The following RNF43 variants were observed in gnomAD, a reference collection of about 807,000 sequenced individuals.
The protein encoded by RNF43 is E3 ubiquitin-protein ligase RNF43.
A neutral mutation model predicts 78.4 loss-of-function variants in RNF43; 37 were observed. The observed-to-expected ratio is 0.47, with a 90% CI of 0.36 to 0.62. The LOEUF is 0.62. Among genes scored for constraint, RNF43 ranks in the 20% least tolerant of loss-of-function variants. RNF43 has a pLI of 0.00. For synonymous variants in RNF43, 347 were observed against 395.0 expected, an observed-to-expected ratio of 0.88 and a Z score of 1.44; for missense variants, 774 against 1,007.9, an observed-to-expected ratio of 0.77 and a Z score of 3.14.
At chr17:58,363,819 T>C (rs1972894477) in intron 3 of RNF43, among the ~76,000 whole-genome samples, 1 of 152,208 alleles carries the variant, frequency 6.6e-6, no homozygotes, top group African/African-American at 2.4e-5. Context: ...AGGGATAATA[T>C]CTAGCTTTTC....
chr17:58,363,238 A>G (rs1972877893), intron 5 of RNF43, 37 bp downstream of exon 5: 1 of 1,608,456 alleles, frequency 6.2e-7, no homozygotes, highest in South Asian at 1.1e-5. Context: ...AAGTAGGGCT[A>G]AGTGCAGGGC....
chr17:58,378,824 A>C (rs989806327), intron 2 of RNF43, among the ~76,000 whole-genome samples: 1 of 152,174 alleles, frequency 6.6e-6, no homozygotes, highest in Admixed American at 6.5e-5. Context: ...GGTGGCAAAA[A>C]CTGAGGGAAA....
At chr17:58,407,069 ATTTTTTTTT>A (rs35270032) in intron 2 of RNF43, among the ~76,000 whole-genome samples, 2 of 74,182 alleles carry the variant, frequency 2.7e-5, no homozygotes, top group African/African-American at 1.1e-4. Flanking sequence ...AGAGACCAGA[ATTTTTTTTT>A]TTTTTTTTTT....
chr17:58,364,927 AGGC>A (rs1251885534), intron 3 of RNF43, among the ~76,000 whole-genome samples: 1 of 152,216 alleles, frequency 6.6e-6, no homozygotes, highest in African/African-American at 2.4e-5. Context: ...GACAGCAGCA[AGGC>A]CCAGGGGGCC....
At chr17:58,364,475 G>A (rs1012123046) in intron 3 of RNF43, among the ~76,000 whole-genome samples, 1 of 152,208 alleles carries the variant, frequency 6.6e-6, no homozygotes, top group Admixed American at 6.5e-5. Context: ...GGGGGTGTGT[G>A]TAGGGAGGGG....
At chr17:58,359,678 G>A (rs1972787240) in intron 8 of RNF43, among the ~76,000 whole-genome samples, 1 of 151,800 alleles carries the variant, frequency 6.6e-6, no homozygotes, top group Non-Finnish European at 1.5e-5. Flanking sequence ...TGTAATCCCA[G>A]CACTTTGGGA....
rs778693172 is a variant in RNF43, at chr17:58,357,845, T to C, written c.1931A>G (p.Lys644Arg). 6.2e-7 allele frequency: 1 copy of C among 1,613,962 alleles called. No homozygotes were observed. The highest frequency in any genetic ancestry group is 8.5e-7 in the Non-Finnish European group (1 of 1,179,964). Residue 644 changes from lysine to arginine, a missense_variant, in exon 9 of 10, where the codon AAA becomes AGA. By Grantham distance (26) the Lys-to-Arg change is conservative. Transcript: ENST00000407977. This position sits in a 1 kb window ranked among gnomAD's most constrained non-coding sequence, Gnocchi z 4.5. ...PSTSSLFNLQ[K>R]SSLSARHPQR... ...TGGGTGTCGGGCAGAGAGGCTGGAT[T>C]TTTGCAAGTTGAACAGACTGCTGGT... is the stretch of plus-strand genomic sequence containing the variant.
rs1027285267 is a variant in RNF43, at chr17:58,376,173, G to A, written c.253-5140C>T. Among the ~76,000 whole-genome samples the A allele has an allele frequency of 4.6e-5, 7 of 152,180 alleles. No homozygotes were observed. The East Asian group carries it at 7.7e-4, about 17-fold the overall frequency. The stretch of plus-strand genomic sequence containing the variant: ...CCCCTGGGAGAGATGATGTGCCTGC[G>A]TGGATTTCAAGGGAATGCCTGTGTT... On this transcript the variant is annotated intron_variant, in intron 2 of 9. Coordinates refer to ENST00000407977, the MANE Select transcript of RNF43 (RefSeq NM_017763.6).
chr17:58,397,009 G>C (rs986504276), intron 2 of RNF43, among the ~76,000 whole-genome samples: 9 of 150,392 alleles, frequency 6.0e-5, no homozygotes, highest in Non-Finnish European at 1.2e-4. Context: ...TGATTTTCTA[G>C]CTTACCTTTA....
intron 2 of RNF43, among the ~76,000 whole-genome samples, chr17:58,376,378 A>AT (rs1567883186): frequency 6.6e-6 from 1 of 151,870 alleles, no homozygotes; most frequent in African/African-American, 2.4e-5. Context: ...GATAAAAAAA[A>AT]TAAATAAATA....
intron 3 of RNF43, 50 bp from the exon 4 acceptor site, chr17:58,363,650 C>G (rs1972890240): frequency 6.6e-7 from 1 of 1,525,170 alleles, no homozygotes; most frequent in South Asian, 1.2e-5. Flanking sequence ...AAGGACAGAG[C>G]CCACCCACAG....
chr17:58,354,827 G>T lies in RNF43; in HGVS notation c.*116C>A. ...CTCTTCCAGTGCTTCTAGGAAGTAC[G>T]GCAAAAAGAATGGTGTTTGCTGTGG... On this transcript the variant is annotated 3_prime_UTR_variant, in exon 10 of 10. Coordinates refer to ENST00000407977, the MANE Select transcript of RNF43 (RefSeq NM_017763.6). 1.1e-6 allele frequency: 1 copy of T among 951,742 alleles called. No individual in the cohort carries two copies. The highest frequency in any genetic ancestry group is 2.4e-5 in the East Asian group (1 of 40,946). The allele number at this position is 951,742 out of a possible 1,614,324, so 59.0% of individuals were successfully genotyped here.
In RNF43 at chr17:58,386,127, A is replaced by G. The variant is rs1039520171; in HGVS notation, c.253-15094T>C. 1.3e-5 allele frequency among the ~76,000 whole-genome samples: 2 copies of G among 151,100 alleles called. 1 individual carries two copies. The highest frequency in any genetic ancestry group is 4.2e-4 in the South Asian group (2 of 4,768). On this transcript the variant is annotated intron_variant, in intron 2 of 9. Transcript: ENST00000407977. ...TAAAAAAACAAAAAACGAAAAAACA[A>G]CAACAAAAAACACCATGCAGCCGGG...
intron 2 of RNF43, among the ~76,000 whole-genome samples, chr17:58,393,090 C>T (rs1397084322): frequency 1.3e-5 from 2 of 152,178 alleles, no homozygotes; most frequent in East Asian, 1.9e-4. Flanking sequence ...TATGATGATC[C>T]ACTTTCACTT....
chr17:58,357,443 C>T lies in RNF43; in HGVS notation c.2308+25G>A, dbSNP rs766430982. ...CAGCTGTAGTCTCCTCTCCCTACCA[C>T]ACCCACTTCCCTCTGAAAACTCACC... On this transcript the variant is annotated intron_variant, in intron 9 of 9. Coordinates refer to ENST00000407977, the MANE Select transcript of RNF43 (RefSeq NM_017763.6). This position sits in a 1 kb window ranked among gnomAD's most constrained non-coding sequence, Gnocchi z 4.5. 2 of 1,614,206 alleles carry T rather than the reference C, an allele frequency of 1.2e-6. No individual in the cohort carries two copies. The highest frequency in any genetic ancestry group is 2.2e-5 in the East Asian group (1 of 44,882).
chr17:58,381,975 C>T (rs1973330069), intron 2 of RNF43, among the ~76,000 whole-genome samples: 1 of 152,016 alleles, frequency 6.6e-6, no homozygotes, highest in Non-Finnish European at 1.5e-5. Flanking sequence ...AATCCTATAG[C>T]TCTCTACCTC....
At chr17:58,372,748 G>T (rs1973126768) in intron 2 of RNF43, among the ~76,000 whole-genome samples, 2 of 152,222 alleles carry the variant, frequency 1.3e-5, no homozygotes, top group Admixed American at 6.5e-5. Flanking sequence ...AAGCAGAGCA[G>T]TTTTCACAAG....
At position 58,354,161 on chromosome 17, in the gene RNF43, T is replaced by G. The variant is rs923008951; in HGVS notation, c.*782A>C. Reference sequence around the variant, plus strand: ...CAGCTGTAATTCTGCCTTTTCTACCTTCATTCCATCCTTCCTCTGCCCAGA... The same window carrying G: ...CAGCTGTAATTCTGCCTTTTCTACCGTCATTCCATCCTTCCTCTGCCCAGA... On this transcript the variant is annotated 3_prime_UTR_variant, in exon 10 of 10. Transcript: ENST00000407977. 6 of 202,846 alleles carry G rather than the reference T, an allele frequency of 3.0e-5. No homozygotes were observed. Among genetic ancestry groups the G allele is most frequent in the Admixed American group, 6.0e-5 (1 of 16,704 alleles). 12.6% of individuals were successfully genotyped at this position (202,846 alleles called of 1,614,324 possible).
intron 2 of RNF43, among the ~76,000 whole-genome samples, chr17:58,378,776 A>C (rs543976469): frequency 2.6e-5 from 4 of 152,322 alleles, no homozygotes; most frequent in South Asian, 4.1e-4. Flanking sequence ...CTGACAAGAT[A>C]GAACTGAAAT....
Sources: allele counts gnomAD v4.1 joint callset (sites outside exome capture counted in the v4.1 genomes callset), GRCh38; gene constraint gnomAD v4.1.1; non-coding constraint Gnocchi (gnomAD v3.1); transcripts MANE v1.5; gene names NCBI Gene and HGNC (gene_info 2026-07-23, HGNC 2026-07-21).